Variants in B3GLCT observed in about 807,000 individuals in gnomAD.
B3GLCT encodes beta 3-glucosyltransferase.
A neutral mutation model predicts 63.4 loss-of-function variants in B3GLCT; 65 were observed. The observed-to-expected ratio is 1.03, with a 90% CI of 0.84 to 1.26. B3GLCT has a LOEUF of 1.26. Ranked by LOEUF, B3GLCT falls within the 50% of genes most tolerant of loss-of-function variation. The pLI is 0.00. For synonymous variants in B3GLCT, 233 were observed against 219.2 expected (o/e 1.06, Z -0.55); for missense variants, 577 against 604.8 (o/e 0.95, Z 0.48).
chr13:31,290,880 C>G (rs1490033343), intron 12 of B3GLCT, among the ~76,000 whole-genome samples: 1 of 152,146 alleles, frequency 6.6e-6, no homozygotes, highest in African/African-American at 2.4e-5. Flanking sequence ...TCCTGTTTGT[C>G]AATTTTGGCT....
At chr13:31,322,570 G>GCTAATAAACAAGTGTTATTAACGGCT (rs1875381291) in intron 13 of B3GLCT, among the ~76,000 whole-genome samples, 2 of 152,124 alleles carry the variant, frequency 1.3e-5, no homozygotes, top group Admixed American at 1.3e-4. Context: ...TCATCAGCAT[G>GCTAATAAACAAGTGTTATTAACGGCT]CTAATAAACA....
chr13:31,310,466 T>G (rs1259007312), intron 12 of B3GLCT, among the ~76,000 whole-genome samples: 1 of 152,156 alleles, frequency 6.6e-6, no homozygotes, highest in Non-Finnish European at 1.5e-5. Flanking sequence ...CACACTCCTG[T>G]TCACTAGAGC....
intron 3 of B3GLCT, among the ~76,000 whole-genome samples, chr13:31,227,745 T>C (rs557646559): frequency 1.6e-4 from 24 of 152,328 alleles, no homozygotes; most frequent in Middle Eastern, 3.4e-3. Flanking sequence ...ACCTATAGAA[T>C]AGAGCATAAG....
At chr13:31,268,130 A>C (rs1872419069) in intron 7 of B3GLCT, among the ~76,000 whole-genome samples, 1 of 152,170 alleles carries the variant, frequency 6.6e-6, no homozygotes, top group Admixed American at 6.5e-5. Flanking sequence ...ATAGACATGA[A>C]CTACTGTGCC....
intron 4 of B3GLCT, among the ~76,000 whole-genome samples, chr13:31,241,166 C>T (rs978995417): frequency 1.3e-5 from 2 of 152,218 alleles, no homozygotes; most frequent in South Asian, 2.1e-4. Flanking sequence ...AGCATTTGAA[C>T]CCCTTTGCTT....
chr13:31,325,408 A>G (rs1028244892), intron 14 of B3GLCT, among the ~76,000 whole-genome samples: 15 of 152,230 alleles, frequency 9.9e-5, no homozygotes, highest in Non-Finnish European at 4.4e-5. Flanking sequence ...CTGTTAGTGT[A>G]TAAGGGAAAT....
chr13:31,329,592 A>G lies in B3GLCT; in HGVS notation c.1421A>G (p.Tyr474Cys), dbSNP rs1301943609. 7.4e-6 allele frequency: 12 copies of G among 1,614,100 alleles called. No individual in the cohort carries two copies. The highest frequency in any genetic ancestry group is 1.0e-5 in the Non-Finnish European group (12 of 1,180,054). The change falls in exon 15 of 15, where the codon TAT (tyrosine) becomes TGT (cysteine). Residue 474 changes from tyrosine to cysteine, a missense_variant. Physicochemically the swap from Tyr to Cys is radical, Grantham distance 194. Transcript: ENST00000343307. ...KHWNIDPVKV[Y>C]FTWLAPSDED... ...TGGAACATCGATCCAGTGAAGGTGT[A>G]TTTCACATGGTTGGCACCCAGTGAC...
intron 1 of B3GLCT, among the ~76,000 whole-genome samples, chr13:31,200,465 G>T (rs1207367425): frequency 2.7e-5 from 4 of 149,856 alleles, no homozygotes; most frequent in Non-Finnish European, 6.0e-5. Flanking sequence ...GGGCGACGGG[G>T]CGGCGAGGGC....
At chr13:31,272,821 A>T (rs555021383) in intron 8 of B3GLCT, among the ~76,000 whole-genome samples, 2 of 152,058 alleles carry the variant, frequency 1.3e-5, no homozygotes, top group Non-Finnish European at 2.9e-5. Flanking sequence ...TGCAGTTAAC[A>T]TTTTTATTAA....
At chr13:31,279,228 C>T (rs1872938820) in intron 10 of B3GLCT, among the ~76,000 whole-genome samples, 1 of 152,048 alleles carries the variant, frequency 6.6e-6, no homozygotes, top group Non-Finnish European at 1.5e-5. Context: ...ATTTAGACTG[C>T]CACTCCTATC....
chr13:31,245,247 A>C (rs7989761), intron 4 of B3GLCT, among the ~76,000 whole-genome samples: 54,705 of 151,710 alleles, frequency 0.36, 10,538 homozygotes, highest in East Asian at 0.7. Flanking sequence ...CTTTCTGCTG[A>C]GGTTACCGTC....
intron 4 of B3GLCT, among the ~76,000 whole-genome samples, chr13:31,234,060 C>T (rs932573785): frequency 6.6e-5 from 10 of 151,868 alleles, no homozygotes; most frequent in African/African-American, 2.4e-4. Flanking sequence ...CTCTGTCGCC[C>T]AGGCTGGAGT....
rs111666034 is a variant in B3GLCT at position 31,279,872 on chromosome 13, G to A, written c.850+3101G>A. Among the ~76,000 whole-genome samples the A allele has an allele frequency of 1.6e-3, 243 of 152,266 alleles. 2 individuals carry two copies. Among genetic ancestry groups the A allele is most frequent in the African/African-American group, 5.4e-3 (225 of 41,546 alleles). Reference sequence around the variant, plus strand: ...ATTTCAGAGACCGTCCCTTGGGAACGCATTCTCTTTCTCAGGGATGTTCCT... The same window carrying A: ...ATTTCAGAGACCGTCCCTTGGGAACACATTCTCTTTCTCAGGGATGTTCCT... On this transcript the variant is annotated intron_variant, in intron 10 of 14. Transcript: ENST00000343307.
chr13:31,214,815 G>T (rs1869467399), intron 1 of B3GLCT, among the ~76,000 whole-genome samples: 1 of 152,198 alleles, frequency 6.6e-6, no homozygotes, highest in Admixed American at 6.5e-5. Context: ...TTTGTCTGAT[G>T]TACTGTTTCT....
chr13:31,248,007 G>A (rs753022862), intron 6 of B3GLCT, 41 bp downstream of exon 6: 1 of 1,084,342 alleles, frequency 9.2e-7, no homozygotes, highest in Non-Finnish European at 1.4e-6. Context: ...TTGGGGGACA[G>A]TGTTTCAAAG....
intron 12 of B3GLCT, among the ~76,000 whole-genome samples, chr13:31,291,280 GCCT>G (rs1593300643): frequency 1.3e-5 from 2 of 152,194 alleles, no homozygotes; most frequent in Non-Finnish European, 1.5e-5. Flanking sequence ...GTAGCCTGAT[GCCT>G]CCAGCTTTGT....
chr13:31,204,415 G>A (rs1868838277), intron 1 of B3GLCT, among the ~76,000 whole-genome samples: 1 of 152,142 alleles, frequency 6.6e-6, no homozygotes, highest in African/African-American at 2.4e-5. Context: ...AGAAACTGTG[G>A]GGTAAGGGTC....
At chr13:31,301,092 T>G (rs1245750273) in intron 12 of B3GLCT, among the ~76,000 whole-genome samples, 1 of 152,230 alleles carries the variant, frequency 6.6e-6, no homozygotes, top group Admixed American at 6.5e-5. Context: ...TCATAATCTT[T>G]GCAAAGGGGG....
At chr13:31,310,672 C>T (rs990767751) in intron 12 of B3GLCT, among the ~76,000 whole-genome samples, 2 of 152,180 alleles carry the variant, frequency 1.3e-5, no homozygotes, top group Non-Finnish European at 2.9e-5. Context: ...CCCCCATTCA[C>T]GAAAGCATGC....
Sources: allele counts gnomAD v4.1 joint callset (sites outside exome capture counted in the v4.1 genomes callset), GRCh38; gene constraint gnomAD v4.1.1; transcripts MANE v1.5; gene names NCBI Gene and HGNC (gene_info 2026-07-23, HGNC 2026-07-21).